Variants in SMARCAD1 observed in about 807,000 individuals in gnomAD.
SMARCAD1 encodes the protein SWI/SNF-related matrix-associated actin-dependent regulator of chromatin subfamily A containing DEAD/H box 1.
SMARCAD1 carries 25 observed loss-of-function variants against 127.1 expected under a neutral mutation model. That is an observed-to-expected ratio of 0.20 (90% CI 0.14 to 0.27). The LOEUF (loss-of-function observed/expected upper bound fraction) is 0.27. Ranked by LOEUF, SMARCAD1 falls within the 10% of genes least tolerant of loss-of-function variation. The pLI is 1.00. For missense variants in SMARCAD1, 807 were observed against 1,206.0 expected (o/e 0.67, Z 4.90); for synonymous variants, 400 against 396.9 (o/e 1.01, Z -0.09).
intron 23 of SMARCAD1, among the ~76,000 whole-genome samples, chr4:94,288,922 C>T (rs1203259945): frequency 6.6e-6 from 1 of 151,998 alleles, no homozygotes; most frequent in East Asian, 1.9e-4. Context: ...TATACTGGGG[C>T]CTCATTTAAT....
rs1467225165 is a variant in SMARCAD1, at chr4:94,278,446, T to C, written c.2107T>C (p.Tyr703His). 2.5e-6 allele frequency: 4 copies of C among 1,613,654 alleles called. No homozygotes were observed. The highest frequency in any genetic ancestry group is 1.3e-5 in the African/African-American group (1 of 74,902). Residue 703 changes from tyrosine to histidine, a missense_variant, in exon 17 of 24, where the codon TAT becomes CAT. Transcript: ENST00000354268. ...KTKSADEQSI[Y>H]EKERIAHAKQ... ...GAAATCAGCAGATGAGCAAAGCATA[T>C]ATGAAAAGGAGAGAATAGCACATGC...
intron 9 of SMARCAD1, 21 bp downstream of exon 9, chr4:94,253,028 T>C (rs776526328): frequency 2.8e-5 from 45 of 1,607,252 alleles, no homozygotes; most frequent in Middle Eastern, 1.6e-4. Context: ...ATTCTTTTTT[T>C]CCCCTTGTAT....
chr4:94,276,538 T>G (rs1238106902), intron 15 of SMARCAD1, 64 bp downstream of exon 15: 2 of 1,558,752 alleles, frequency 1.3e-6, no homozygotes, highest in African/African-American at 2.7e-5. Context: ...ATTTAATATA[T>G]GTAGTATTTA....
chr4:94,231,506 T>A (rs902651149), intron 3 of SMARCAD1, among the ~76,000 whole-genome samples: 7 of 152,210 alleles, frequency 4.6e-5, no homozygotes, highest in Non-Finnish European at 1.0e-4. Context: ...TGAAATAGTA[T>A]ATAAAGAACA....
chr4:94,222,485 A>T, intron 2 of SMARCAD1, among the ~76,000 whole-genome samples: 1 of 150,486 alleles, frequency 6.6e-6, no homozygotes, highest in Non-Finnish European at 1.5e-5. Context: ...TCACTTGCCA[A>T]GCAGGCTGTG....
chr4:94,224,240 CTGT>C (rs2125828761), intron 2 of SMARCAD1, among the ~76,000 whole-genome samples: 1 of 152,200 alleles, frequency 6.6e-6, no homozygotes, highest in South Asian at 2.1e-4. Context: ...TTGCTTTTTG[CTGT>C]TGTTCCTAGG....
chr4:94,225,083 A>C (rs1744784942), intron 2 of SMARCAD1, among the ~76,000 whole-genome samples: 1 of 152,216 alleles, frequency 6.6e-6, no homozygotes, highest in Non-Finnish European at 1.5e-5. Context: ...ATAATGTTGG[A>C]ATTTACCCCT....
chr4:94,274,641 G>A, intron 12 of SMARCAD1, 97 bp from the exon 13 acceptor site: 2 of 1,165,292 alleles, frequency 1.7e-6, no homozygotes, highest in East Asian at 2.3e-5. Flanking sequence ...ATAAAAGACT[G>A]ATTTCTGAGT....
chr4:94,236,412 A>G (rs1371027335), intron 4 of SMARCAD1, among the ~76,000 whole-genome samples: 3 of 152,192 alleles, frequency 2.0e-5, no homozygotes, highest in African/African-American at 7.2e-5. Flanking sequence ...GATTCAGACA[A>G]TTCAGAAATA....
intron 3 of SMARCAD1, among the ~76,000 whole-genome samples, chr4:94,229,847 A>G (rs980545576): frequency 6.6e-6 from 1 of 151,396 alleles, no homozygotes; most frequent in South Asian, 2.1e-4. Flanking sequence ...TGATAATTCT[A>G]ATCTATCACT....
chr4:94,236,613 G>A (rs916322023), intron 4 of SMARCAD1, among the ~76,000 whole-genome samples: 5 of 152,008 alleles, frequency 3.3e-5, no homozygotes, highest in African/African-American at 1.2e-4. Context: ...ACACAGGCAC[G>A]GAGTGGCCTG....
At chr4:94,271,972 A>T (rs6826410) in intron 11 of SMARCAD1, among the ~76,000 whole-genome samples, 1,720 of 152,358 alleles carry the variant, frequency 0.011, 35 homozygotes, top group African/African-American at 0.039. Context: ...ATAACAAAAT[A>T]CCACAGACCA....
At chr4:94,288,139 T>C (rs988134527) in intron 23 of SMARCAD1, among the ~76,000 whole-genome samples, 1 of 152,226 alleles carries the variant, frequency 6.6e-6, no homozygotes, top group Non-Finnish European at 1.5e-5. Flanking sequence ...TGGCAATTTA[T>C]TTTCAATATC....
At chr4:94,212,972 G>A in intron 2 of SMARCAD1, 5 of 842,034 alleles carry the variant, frequency 5.9e-6, no homozygotes, top group Non-Finnish European at 5.2e-6. Flanking sequence ...GGTGCCCAAA[G>A]TTGTCAATGA....
At position 94,207,922 on chromosome 4, in the gene SMARCAD1, C is replaced by T; in HGVS notation, c.-198C>T. 5.8e-6 allele frequency: 2 copies of T among 344,834 alleles called. No homozygotes were observed. The highest frequency in any genetic ancestry group is 2.3e-5 in the South Asian group (1 of 44,166). 21.4% of individuals were successfully genotyped at this position (344,834 alleles called of 1,614,324 possible). A position where few individuals can be genotyped will look rare whatever the true frequency, so the allele number is the denominator to read the frequency against. On this transcript the variant is annotated 5_prime_UTR_variant, in exon 1 of 24. Coordinates refer to ENST00000354268, the MANE Select transcript of SMARCAD1 (RefSeq NM_020159.5). ...GGCCTCCGCCGCTCCCCTTCTTTGG[C>T]CCCTTTGTGTCCCCGCAGTGTCGAG...
chr4:94,238,109 C>T (rs1271879778), intron 5 of SMARCAD1, among the ~76,000 whole-genome samples: 1 of 152,062 alleles, frequency 6.6e-6, no homozygotes, highest in East Asian at 1.9e-4. Flanking sequence ...CAATAATTAT[C>T]CACCTCATTT....
chr4:94,276,435 T>C lies in SMARCAD1; in HGVS notation c.1905T>C (p.Asn635=). 6.2e-7 allele frequency: 1 copy of C among 1,614,150 alleles called. No individual in the cohort carries two copies. The highest frequency in any genetic ancestry group is 8.5e-7 in the Non-Finnish European group (1 of 1,180,018). The change falls in exon 15 of 24, where the codon AAT becomes AAC. Residue 635 remains asparagine, a synonymous_variant. Coordinates refer to ENST00000354268, the MANE Select transcript of SMARCAD1 (RefSeq NM_020159.5). ...TTGATGAGGGCCATATGCTGAAGAATATGGGCTCCATTCGCTACCAGCACC... is the reference window on the plus strand; with the variant it reads ...TTGATGAGGGCCATATGCTGAAGAACATGGGCTCCATTCGCTACCAGCACC... ...AIFDEGHMLK[N]MGSIRYQHLM...
In SMARCAD1 at chr4:94,289,602, A is replaced by T. The variant is rs368603057; in HGVS notation, c.*68A>T. ...TGGTGCACTCAAGGACATTTACATT[A>T]TGATGACCATGGGGTTTATGAACAT... On this transcript the variant is annotated 3_prime_UTR_variant, in exon 24 of 24. Coordinates refer to ENST00000354268, the MANE Select transcript of SMARCAD1 (RefSeq NM_020159.5). 1 of 1,217,128 alleles carries T rather than the reference A, an allele frequency of 8.2e-7. No individual in the cohort carries two copies. Among genetic ancestry groups the T allele is most frequent in the Non-Finnish European group, 1.2e-6 (1 of 818,294 alleles). The allele number at this position is 1,217,128 out of a possible 1,614,324, so 75.4% of individuals were successfully genotyped here.
At chr4:94,277,191 T>C (rs373916469) in intron 16 of SMARCAD1, 32 bp downstream of exon 16, 200 of 1,610,362 alleles carry the variant, frequency 1.2e-4, no homozygotes, top group Admixed American at 2.3e-4. Flanking sequence ...CTCCCAAATA[T>C]GTTATTTGTG....
Sources: gnomAD v4.1 joint callset for allele counts (sites outside exome capture counted in the v4.1 genomes callset) on GRCh38, gnomAD v4.1.1 for gene constraint, MANE v1.5 for transcripts, NCBI Gene and HGNC (gene_info 2026-07-23, HGNC 2026-07-21) for gene names.